ULK4: variants seen among roughly 807,000 people sequenced by gnomAD.
The protein encoded by ULK4 is inactive serine/threonine-protein kinase ULK4.
ULK4 carries 133 observed loss-of-function variants against 160.6 expected under a neutral mutation model. That is an observed-to-expected ratio of 0.83 (90% CI 0.72 to 0.96). The LOEUF (loss-of-function observed/expected upper bound fraction) is 0.96, where lower values mean the gene tolerates loss of function less well. Ranked by LOEUF, ULK4 falls within the 40% of genes least tolerant of loss-of-function variation. The probability of loss-of-function intolerance (pLI) is 0.00; values close to 1 mark genes in which losing one functional copy is unlikely to be tolerated. For synonymous variants in ULK4, 534 were observed against 539.8 expected, an observed-to-expected ratio of 0.99 and a Z score of 0.15; for missense variants, 1,580 against 1,499.5, an observed-to-expected ratio of 1.05 and a Z score of -0.89.
intron 27 of ULK4, among the ~76,000 whole-genome samples, chr3:41,691,561 A>G (rs1553634828): frequency 6.6e-6 from 1 of 151,848 alleles, no homozygotes; most frequent in Non-Finnish European, 1.5e-5. Context: ...CACCACTAAC[A>G]ATACCTCCCC....
At chr3:41,412,952 G>C (rs1339299180) in intron 34 of ULK4, among the ~76,000 whole-genome samples, 1 of 152,144 alleles carries the variant, frequency 6.6e-6, no homozygotes, top group African/African-American at 2.4e-5. Flanking sequence ...ACTGGAAAAG[G>C]ATAAAAGGCC....
rs192955585 is a variant in ULK4 at position 41,484,601 on chromosome 3, C to T, written c.3227-21348G>A. 6.7e-3 allele frequency among the ~76,000 whole-genome samples: 1,020 copies of T among 151,924 alleles called. 10 individuals carry two copies. Among genetic ancestry groups the T allele is most frequent in the African/African-American group, 0.019 (805 of 41,332 alleles). On this transcript the variant is annotated intron_variant, in intron 32 of 36. Transcript: ENST00000301831. Reference sequence around the variant, plus strand: ...CGGAGTAGCTGGGACTACAGGCGCCCGCCACCACACCCGGCTAATTTTTTG... The same window carrying T: ...CGGAGTAGCTGGGACTACAGGCGCCTGCCACCACACCCGGCTAATTTTTTG...
At chr3:41,947,471 A>G (rs916144022) in intron 2 of ULK4, among the ~76,000 whole-genome samples, 6 of 152,154 alleles carry the variant, frequency 3.9e-5, no homozygotes, top group East Asian at 1.9e-4. Context: ...TCTTCCTTAC[A>G]TGTAATTATT....
At chr3:41,890,603 C>T (rs1321363519) in intron 16 of ULK4, among the ~76,000 whole-genome samples, 9 of 150,620 alleles carry the variant, frequency 6.0e-5, no homozygotes, top group African/African-American at 2.0e-4. Flanking sequence ...TCCTTGAACC[C>T]GGGAGGTGGA....
chr3:41,376,616 C>T (rs2081503892), intron 35 of ULK4, among the ~76,000 whole-genome samples: 1 of 146,426 alleles, frequency 6.8e-6, no homozygotes, highest in African/African-American at 2.6e-5. Flanking sequence ...AGTGAACTCC[C>T]ATTCACAATT....
intron 35 of ULK4, among the ~76,000 whole-genome samples, chr3:41,271,525 G>T (rs1401110332): frequency 1.3e-5 from 2 of 151,632 alleles, no homozygotes; most frequent in Non-Finnish European, 2.9e-5. Context: ...CCTCTGAGTA[G>T]CTAGGATTAC....
At chr3:41,473,188 G>C (rs1444480569) in intron 32 of ULK4, among the ~76,000 whole-genome samples, 1 of 152,088 alleles carries the variant, frequency 6.6e-6, no homozygotes, top group Non-Finnish European at 1.5e-5. Context: ...AGGAACACAA[G>C]GATGCCCACT....
intron 17 of ULK4, among the ~76,000 whole-genome samples, chr3:41,847,434 T>C (rs17064081): frequency 0.074 from 11,239 of 152,262 alleles, 1,309 homozygotes; most frequent in African/African-American, 0.25. Flanking sequence ...ATATCAGGCA[T>C]TTCCTATTAT....
At chr3:41,907,729 A>G in intron 12 of ULK4, 116 bp downstream of exon 12, 1 of 581,640 alleles carries the variant, frequency 1.7e-6, no homozygotes, top group East Asian at 3.4e-5. Flanking sequence ...AATGATCAGC[A>G]AAGATGACCT....
intron 30 of ULK4, among the ~76,000 whole-genome samples, chr3:41,626,432 A>T (rs1394902759): frequency 6.6e-6 from 1 of 152,178 alleles, no homozygotes; most frequent in Non-Finnish European, 1.5e-5. Flanking sequence ...AATTGATCTT[A>T]AGATGATTTT....
intron 2 of ULK4, among the ~76,000 whole-genome samples, chr3:41,942,141 T>G (rs896357759): frequency 1.3e-5 from 2 of 152,184 alleles, no homozygotes; most frequent in African/African-American, 4.8e-5. Context: ...GAAAAGTGGC[T>G]TGTCTGAACT....
intron 27 of ULK4, among the ~76,000 whole-genome samples, chr3:41,694,465 A>G (rs1216151791): frequency 6.6e-6 from 1 of 152,138 alleles, no homozygotes; most frequent in Non-Finnish European, 1.5e-5. Flanking sequence ...TTAGTTTTGA[A>G]CATGGCCTAG....
chr3:41,639,588 C>T (rs543114813), intron 30 of ULK4, among the ~76,000 whole-genome samples: 4 of 152,070 alleles, frequency 2.6e-5, no homozygotes, highest in East Asian at 1.9e-4. Context: ...ATTAGCCGAC[C>T]GTGGTGGTGC....
intron 35 of ULK4, among the ~76,000 whole-genome samples, chr3:41,324,052 G>C (rs2080297236): frequency 6.6e-6 from 1 of 152,140 alleles, no homozygotes; most frequent in Admixed American, 6.5e-5. Flanking sequence ...AGGAAGCCAG[G>C]TCAGCCCAAG....
intron 21 of ULK4, among the ~76,000 whole-genome samples, chr3:41,759,321 A>C (rs572305504): frequency 6.4e-4 from 97 of 152,234 alleles, no homozygotes; most frequent in Non-Finnish European, 1.2e-3. Flanking sequence ...AATCTGGTAT[A>C]TTTCAACATA....
chr3:41,353,672 A>T (rs1156720692), intron 35 of ULK4, among the ~76,000 whole-genome samples: 1 of 142,434 alleles, frequency 7.0e-6, no homozygotes, highest in Admixed American at 7.3e-5. Flanking sequence ...TTTCTCTAAT[A>T]AATAATAATA....
intron 22 of ULK4, among the ~76,000 whole-genome samples, chr3:41,735,649 T>C (rs1051271102): frequency 1.1e-4 from 16 of 151,694 alleles, no homozygotes; most frequent in South Asian, 6.2e-4. Context: ...GTCAAAACAC[T>C]ACAGTTTTCT....
chr3:41,559,026 C>G (rs1279077523), intron 32 of ULK4, among the ~76,000 whole-genome samples: 1 of 137,894 alleles, frequency 7.3e-6, no homozygotes, highest in Admixed American at 7.6e-5. Flanking sequence ...TCCCTCCCCC[C>G]TACCCCCACC....
intron 34 of ULK4, among the ~76,000 whole-genome samples, chr3:41,432,658 T>C (rs956162554): frequency 6.6e-6 from 1 of 152,172 alleles, no homozygotes; most frequent in South Asian, 2.1e-4. Flanking sequence ...CATACACTGC[T>C]CCCAATTACT....
Sources: gnomAD v4.1 joint callset for allele counts (sites outside exome capture counted in the v4.1 genomes callset) on GRCh38, gnomAD v4.1.1 for gene constraint, MANE v1.5 for transcripts, NCBI Gene and HGNC (gene_info 2026-07-23, HGNC 2026-07-21) for gene names.